Variants in CTNNA3 observed in about 807,000 individuals in gnomAD.
CTNNA3 encodes catenin alpha 3.
A neutral mutation model predicts 95.7 loss-of-function variants in CTNNA3; 76 were observed. That is an observed-to-expected ratio of 0.79 (90% confidence interval 0.66 to 0.96). CTNNA3 has a LOEUF of 0.96. Ranked by LOEUF, CTNNA3 falls within the 40% of genes least tolerant of loss-of-function variation. The pLI is 0.00. For synonymous variants in CTNNA3, 431 were observed against 374.4 expected (o/e 1.15, Z -1.74); for missense variants, 1,191 against 1,089.8 (o/e 1.09, Z -1.31).
chr10:66,173,071 G>C (rs2085514716), intron 13 of CTNNA3, among the ~76,000 whole-genome samples: 2 of 152,152 alleles, frequency 1.3e-5, no homozygotes, highest in Admixed American at 1.3e-4. Flanking sequence ...GGTTGTGAGA[G>C]AGTTGAGGAG....
At chr10:67,025,099 C>A (rs771137254) in intron 7 of CTNNA3, among the ~76,000 whole-genome samples, 7 of 142,366 alleles carry the variant, frequency 4.9e-5, no homozygotes, top group Non-Finnish European at 1.1e-4. Flanking sequence ...ATTGCACACT[C>A]CAGCCTGAGC....
intron 14 of CTNNA3, among the ~76,000 whole-genome samples, chr10:66,093,843 A>G (rs975647299): frequency 6.6e-6 from 1 of 152,064 alleles, no homozygotes; most frequent in Admixed American, 6.6e-5. Flanking sequence ...GGGGCAAGAT[A>G]TCTTACAAAA....
chr10:66,465,824 G>C (rs1015248576), intron 11 of CTNNA3, among the ~76,000 whole-genome samples: 1 of 152,088 alleles, frequency 6.6e-6, no homozygotes, highest in African/African-American at 2.4e-5. Context: ...GGATCCCACA[G>C]AATTGTGAGA....
At chr10:66,915,555 A>G (rs770536181) in intron 7 of CTNNA3, among the ~76,000 whole-genome samples, 1 of 152,024 alleles carries the variant, frequency 6.6e-6, no homozygotes, top group African/African-American at 2.4e-5. Context: ...CATGGAATCC[A>G]GGAAATAGGG....
At chr10:66,238,694 ATAT>A (rs2089976130) in intron 13 of CTNNA3, among the ~76,000 whole-genome samples, 1 of 109,450 alleles carries the variant, frequency 9.1e-6, no homozygotes, top group Admixed American at 9.6e-5. Flanking sequence ...ATATATATAT[ATAT>A]AATTTTTTTC....
intron 7 of CTNNA3, among the ~76,000 whole-genome samples, chr10:66,940,706 G>A (rs1163508147): frequency 1.3e-5 from 2 of 152,030 alleles, no homozygotes; most frequent in Admixed American, 1.3e-4. Flanking sequence ...ATCCAGCAGT[G>A]TGTTGTACAA....
chr10:66,268,057 T>C (rs1221109880), intron 13 of CTNNA3, among the ~76,000 whole-genome samples: 1 of 152,118 alleles, frequency 6.6e-6, no homozygotes, highest in African/African-American at 2.4e-5. Context: ...CACATAATTG[T>C]TAAAAAATAA....
At chr10:66,024,793 C>T (rs1224700475) in intron 15 of CTNNA3, among the ~76,000 whole-genome samples, 3 of 152,110 alleles carry the variant, frequency 2.0e-5, no homozygotes, top group African/African-American at 4.8e-5. Flanking sequence ...ACAAGTTGCA[C>T]GAGTAAATAA....
chr10:66,681,169 G>T (rs1053104949), intron 9 of CTNNA3, among the ~76,000 whole-genome samples: 7 of 152,158 alleles, frequency 4.6e-5, no homozygotes, highest in Non-Finnish European at 8.8e-5. Context: ...TCATAAGAGT[G>T]CTTTCTAGAA....
chr10:66,395,364 G>A (rs1166527869), intron 11 of CTNNA3, among the ~76,000 whole-genome samples: 1 of 151,914 alleles, frequency 6.6e-6, no homozygotes, highest in Non-Finnish European at 1.5e-5. Flanking sequence ...GACAAAGGAG[G>A]AGTCCATGAG....
At position 65,918,790 on chromosome 10, in the gene CTNNA3, T is replaced by C. The variant is rs2077037999; in HGVS notation, c.*1540A>G. The C allele has an allele frequency of 6.6e-6, 1 of 152,194 alleles. No individual in the cohort carries two copies. The highest frequency in any genetic ancestry group is 1.5e-5 in the Non-Finnish European group (1 of 68,016). The allele number at this position is 152,194 out of a possible 1,614,324, so 9.4% of individuals were successfully genotyped here. A position where few individuals can be genotyped will look rare whatever the true frequency, so the allele number is the denominator to read the frequency against. Reference sequence around the variant, plus strand: ...AATAATGACCTATTAAATAGATCCTTCTTTTCCCATACCATTATGCTTAAG... The same window carrying C: ...AATAATGACCTATTAAATAGATCCTCCTTTTCCCATACCATTATGCTTAAG... On this transcript the variant is annotated 3_prime_UTR_variant, in exon 18 of 18. Transcript: ENST00000433211.
At chr10:66,873,379 T>G (rs536459732) in intron 7 of CTNNA3, among the ~76,000 whole-genome samples, 11 of 36,822 alleles carry the variant, frequency 3.0e-4, no homozygotes, top group East Asian at 1.1e-3. Context: ...TTGTTTTTTG[T>G]TTTTTTTTTA....
At chr10:66,621,528 G>T (rs554924383) in intron 10 of CTNNA3, among the ~76,000 whole-genome samples, 164 bp downstream of exon 10, 1 of 150,866 alleles carries the variant, frequency 6.6e-6, no homozygotes, top group Non-Finnish European at 1.5e-5. Flanking sequence ...GGAAGCAGAA[G>T]TTGCAGTCAG....
At chr10:67,238,246 C>T (rs1191450975) in intron 5 of CTNNA3, among the ~76,000 whole-genome samples, 1 of 152,086 alleles carries the variant, frequency 6.6e-6, no homozygotes, top group Non-Finnish European at 1.5e-5. Flanking sequence ...AACACCAGCT[C>T]ACAGTTGGGA....
chr10:67,468,432 C>T (rs891464404), intron 5 of CTNNA3, among the ~76,000 whole-genome samples: 1 of 152,170 alleles, frequency 6.6e-6, no homozygotes, highest in African/African-American at 2.4e-5. Context: ...TTAGTGTATG[C>T]ACCGCCATTG....
At chr10:67,187,947 T>C (rs2132164316) in intron 6 of CTNNA3, among the ~76,000 whole-genome samples, 1 of 152,254 alleles carries the variant, frequency 6.6e-6, no homozygotes, top group South Asian at 2.1e-4. Flanking sequence ...CTTCAACTTT[T>C]CCTTCCTTAC....
intron 14 of CTNNA3, among the ~76,000 whole-genome samples, chr10:66,078,161 CCTCT>C (rs2080612629): frequency 6.6e-6 from 1 of 151,820 alleles, no homozygotes; most frequent in Non-Finnish European, 1.5e-5. Flanking sequence ...CTTTATCTTT[CCTCT>C]CTATGTCTAC....
chr10:67,736,619 C>T (rs1841304032), intron 1 of CTNNA3, among the ~76,000 whole-genome samples: 2 of 151,906 alleles, frequency 1.3e-5, no homozygotes, highest in Admixed American at 1.3e-4. Flanking sequence ...TCACGCCTGG[C>T]TAATTTTTGT....
At position 66,467,930 on chromosome 10, in the gene CTNNA3, T is replaced by C. The variant is rs138057854; in HGVS notation, c.1531+52687A>G. On this transcript the variant is annotated intron_variant, in intron 11 of 17. Transcript: ENST00000433211. ...TCTCTGTTAATGTACATATTTTCTT[T>C]TTTTTCCCCAACTAGAAAATTTAAT... 4.0e-3 allele frequency among the ~76,000 whole-genome samples: 608 copies of C among 152,168 alleles called. 7 individuals carry two copies. The highest frequency in any genetic ancestry group is 0.014 in the African/African-American group (595 of 41,536).
Sources: gnomAD v4.1 joint callset for allele counts (sites outside exome capture counted in the v4.1 genomes callset) on GRCh38, gnomAD v4.1.1 for gene constraint, MANE v1.5 for transcripts, NCBI Gene and HGNC (gene_info 2026-07-23, HGNC 2026-07-21) for gene names.